Variants in SLC30A7 observed in about 807,000 individuals in gnomAD.
The protein encoded by SLC30A7 is solute carrier family 30 member 7.
SLC30A7 carries 35 observed loss-of-function variants against 46.0 expected under a neutral mutation model. The observed-to-expected ratio is 0.76, with a 90% CI of 0.58 to 1.01. The LOEUF (loss-of-function observed/expected upper bound fraction) is 1.01. Ranked by LOEUF, SLC30A7 falls within the 50% of genes least tolerant of loss-of-function variation. SLC30A7 has a pLI of 0.00. For missense variants in SLC30A7, 464 were observed against 451.1 expected, an observed-to-expected ratio of 1.03 and a Z score of -0.26; for synonymous variants, 147 against 157.8, an observed-to-expected ratio of 0.93 and a Z score of 0.51.
chr1:100,992,826 T>G, the SLC30A7 span: 1 of 849,230 alleles, frequency 1.2e-6, no homozygotes, highest in South Asian at 1.6e-5. Context: ...CCAGGTATAC[T>G]CAAGTACCAC....
intron 2 of SLC30A7, among the ~76,000 whole-genome samples, chr1:100,903,153 A>G (rs1036886018): frequency 4.6e-4 from 70 of 152,138 alleles, no homozygotes; most frequent in African/African-American, 1.7e-3. Context: ...TTAGCTCCCA[A>G]AATTGACTTT....
At position 100,979,434 on chromosome 1, in the gene SLC30A7, TC is replaced by T. The variant is rs1256765822; in HGVS notation, c.*4579del. ...CTCAAATACAGTGAAAGATTATGTA[TC>T]CAAAAAAAAAAAAAAAAAAAAAAGA... On this transcript the variant is annotated 3_prime_UTR_variant, in exon 11 of 11. Transcript: ENST00000357650. 1.2e-3 allele frequency: 81 copies of T among 68,894 alleles called. No homozygotes were observed. Among genetic ancestry groups the T allele is most frequent in the African/African-American group, 4.1e-3 (77 of 18,716 alleles). The allele number at this position is 68,894 out of a possible 1,614,324, so 4.3% of individuals were successfully genotyped here. A position where few individuals can be genotyped will look rare whatever the true frequency, so the allele number is the denominator to read the frequency against.
At chr1:100,936,882 C>A (rs1160316721) in intron 8 of SLC30A7, among the ~76,000 whole-genome samples, 1 of 152,144 alleles carries the variant, frequency 6.6e-6, no homozygotes, top group Non-Finnish European at 1.5e-5. Flanking sequence ...ATTTCACTTA[C>A]AATAATGTCC....
At chr1:100,913,937 G>C in intron 6 of SLC30A7, 131 bp downstream of exon 6, 1 of 1,292,070 alleles carries the variant, frequency 7.7e-7, no homozygotes, top group Admixed American at 2.9e-5. Flanking sequence ...AGTCTAAATG[G>C]TTCCCAGGGC....
intron 6 of SLC30A7, 60 bp from the exon 7 acceptor site, chr1:100,918,017 A>G: frequency 7.1e-7 from 1 of 1,403,714 alleles, no homozygotes; most frequent in Non-Finnish European, 1.0e-6. Flanking sequence ...AGGACTCTGA[A>G]TTGTAAAAAC....
At chr1:100,899,645 C>T (rs964812207) in intron 2 of SLC30A7, among the ~76,000 whole-genome samples, 2 of 152,012 alleles carry the variant, frequency 1.3e-5, no homozygotes, top group African/African-American at 4.8e-5. Context: ...ATTGAGCCAC[C>T]GCCCCACAGC....
At chr1:100,901,316 C>T (rs1310570674) in intron 2 of SLC30A7, among the ~76,000 whole-genome samples, 2 of 150,382 alleles carry the variant, frequency 1.3e-5, no homozygotes, top group Non-Finnish European at 3.0e-5. Flanking sequence ...CTCTTTCTCC[C>T]TTCCTTTGTT....
chr1:100,951,239 T>G (rs1409290740), intron 8 of SLC30A7, among the ~76,000 whole-genome samples: 1 of 152,128 alleles, frequency 6.6e-6, no homozygotes, highest in African/African-American at 2.4e-5. Context: ...GTCAGGGTAC[T>G]GACACAAAGT....
intron 8 of SLC30A7, among the ~76,000 whole-genome samples, chr1:100,931,007 T>C (rs554810717): frequency 1.8e-4 from 28 of 152,134 alleles, no homozygotes; most frequent in African/African-American, 5.3e-4. Context: ...CTTGGGGCAA[T>C]TGAGAAATAG....
rs760666551 is a variant in SLC30A7, at chr1:100,896,715, G to T, written c.182+44G>T. ...GGTTTGGGCGGAAGCTGGGTGTGAGGGAGACGAAGCACTGTTTGCTTAATG... is the reference window on the plus strand; with the variant it reads ...GGTTTGGGCGGAAGCTGGGTGTGAGTGAGACGAAGCACTGTTTGCTTAATG... On this transcript the variant is annotated intron_variant, in intron 2 of 10. Coordinates refer to ENST00000357650, the MANE Select transcript of SLC30A7 (RefSeq NM_133496.5). The T allele has an allele frequency of 4.5e-6, 7 of 1,541,536 alleles. No homozygotes were observed. In the Admixed American group the frequency reaches 1.0e-4, roughly 23 times the overall value.
intron 9 of SLC30A7, among the ~76,000 whole-genome samples, chr1:100,964,719 G>A (rs1477054565): frequency 1.3e-5 from 2 of 152,326 alleles, no homozygotes; most frequent in South Asian, 4.1e-4. Flanking sequence ...ACATATGGAA[G>A]TAGGAGAAAT....
At chr1:100,912,087 T>G in intron 4 of SLC30A7, 25 bp from the exon 5 acceptor site, 1 of 1,602,202 alleles carries the variant, frequency 6.2e-7, no homozygotes, top group Non-Finnish European at 8.5e-7. Context: ...ATCTATGCTA[T>G]TTGTTTGTAT....
intron 8 of SLC30A7, among the ~76,000 whole-genome samples, chr1:100,953,157 G>A (rs1353560147): frequency 6.6e-6 from 1 of 152,138 alleles, no homozygotes. Flanking sequence ...CTTCTGCCAT[G>A]ACTGTAAATT....
chr1:100,925,823 A>G (rs573394676), intron 8 of SLC30A7, among the ~76,000 whole-genome samples: 2 of 152,324 alleles, frequency 1.3e-5, no homozygotes, highest in Non-Finnish European at 2.9e-5. Context: ...GTGTACAAAT[A>G]GGCATTCTTG....
intron 6 of SLC30A7, among the ~76,000 whole-genome samples, chr1:100,916,524 A>G (rs551005904): frequency 6.6e-6 from 1 of 152,186 alleles, no homozygotes; most frequent in Admixed American, 6.5e-5. Flanking sequence ...AGATGTTTTG[A>G]TACAGGCATG....
At chr1:100,917,768 G>T (rs2101027450) in intron 6 of SLC30A7, among the ~76,000 whole-genome samples, 1 of 152,164 alleles carries the variant, frequency 6.6e-6, no homozygotes, top group African/African-American at 2.4e-5. Flanking sequence ...TTTTCCAATT[G>T]TAAGAGTATT....
At chr1:100,912,430 T>C (rs748662292) in intron 5 of SLC30A7, among the ~76,000 whole-genome samples, 192 bp downstream of exon 5, 118 of 152,214 alleles carry the variant, frequency 7.8e-4, no homozygotes, top group Non-Finnish European at 1.5e-3. Flanking sequence ...GCTTGTATCA[T>C]GGATCCCACC....
chr1:100,942,036 G>A (rs879598309), intron 8 of SLC30A7: 3 of 209,136 alleles, frequency 1.4e-5, no homozygotes, highest in Admixed American at 5.4e-5. Context: ...CCTCCTTGAC[G>A]GCATCCTCTG....
At chr1:100,903,380 A>G (rs1651435936) in intron 2 of SLC30A7, among the ~76,000 whole-genome samples, 1 of 152,172 alleles carries the variant, frequency 6.6e-6, no homozygotes, top group Non-Finnish European at 1.5e-5. Context: ...AAATAAAGTT[A>G]AATCATTATT....
Sources: gnomAD v4.1 joint callset for allele counts (sites outside exome capture counted in the v4.1 genomes callset) on GRCh38, gnomAD v4.1.1 for gene constraint, MANE v1.5 for transcripts, NCBI Gene and HGNC (gene_info 2026-07-23, HGNC 2026-07-21) for gene names.